Variants in RALGAPA1 observed in about 807,000 individuals in gnomAD.
RALGAPA1 encodes the protein ral GTPase-activating protein subunit alpha-1.
RALGAPA1 carries 52 observed loss-of-function variants against 269.6 expected under a neutral mutation model. The ratio of observed to expected loss-of-function variants is 0.19; its 90% CI spans 0.15 to 0.24. The LOEUF (loss-of-function observed/expected upper bound fraction) is 0.24. RALGAPA1 is among the 10% of genes least tolerant of loss of function. The probability of loss-of-function intolerance (pLI) is 1.00; values close to 1 mark genes in which losing one functional copy is unlikely to be tolerated. For missense variants in RALGAPA1, 1,917 were observed against 3,013.9 expected, an observed-to-expected ratio of 0.64 and a Z score of 8.52; for synonymous variants, 817 against 1,008.3, an observed-to-expected ratio of 0.81 and a Z score of 3.60.
At chr14:35,737,991 G>C (rs2071182423) in intron 12 of RALGAPA1, among the ~76,000 whole-genome samples, 1 of 151,576 alleles carries the variant, frequency 6.6e-6, no homozygotes, top group Non-Finnish European at 1.5e-5. Flanking sequence ...GGGAGGCTGA[G>C]GCAGGAGAAG....
intron 39 of RALGAPA1, among the ~76,000 whole-genome samples, chr14:35,557,684 C>G (rs372005510): frequency 1.3e-5 from 2 of 151,822 alleles, no homozygotes; most frequent in African/African-American, 4.8e-5. Flanking sequence ...GCACTGGTGC[C>G]CATTTACTAA....
chr14:35,599,476 G>T lies in RALGAPA1; in HGVS notation c.7054-3687C>A, dbSNP rs190599531. On this transcript the variant is annotated intron_variant, in intron 36 of 41. Transcript: ENST00000680220. ...AGATTCTGGGTCTGCTGGGCACAGT[G>T]GCTCATGCCTGTAATCCCAGCACTT... Among the ~76,000 whole-genome samples the T allele has an allele frequency of 9.2e-3, 1,404 of 152,262 alleles. 20 individuals carry two copies. Among genetic ancestry groups the T allele is most frequent in the Non-Finnish European group, 0.011 (776 of 68,002 alleles).
At chr14:35,743,108 C>T (rs1167338297) in intron 10 of RALGAPA1, among the ~76,000 whole-genome samples, 1 of 152,024 alleles carries the variant, frequency 6.6e-6, no homozygotes, top group Non-Finnish European at 1.5e-5. Context: ...CTAGAGAAAA[C>T]CCACATAGAC....
intron 37 of RALGAPA1, among the ~76,000 whole-genome samples, chr14:35,590,586 T>A (rs1284750292): frequency 6.6e-6 from 1 of 152,216 alleles, no homozygotes. Context: ...ATGTAAGATG[T>A]GCCTGATTCC....
At chr14:35,751,941 T>C (rs2072749935) in intron 8 of RALGAPA1, 83 bp downstream of exon 8, 4 of 1,507,972 alleles carry the variant, frequency 2.7e-6, no homozygotes, top group Non-Finnish European at 3.5e-6. Flanking sequence ...ATCAGTTTCC[T>C]GCAGTAACAA....
intron 32 of RALGAPA1, among the ~76,000 whole-genome samples, 158 bp from the exon 33 acceptor site, chr14:35,634,915 C>T (rs2061574648): frequency 6.6e-6 from 1 of 151,990 alleles, no homozygotes; most frequent in Non-Finnish European, 1.5e-5. Flanking sequence ...GCCTGTAATC[C>T]CAGCAGGGAT....
intron 41 of RALGAPA1, among the ~76,000 whole-genome samples, chr14:35,548,182 A>G (rs2054624162): frequency 6.6e-6 from 1 of 152,114 alleles, no homozygotes; most frequent in Admixed American, 6.6e-5. Flanking sequence ...ACAAAATACA[A>G]AGACACACTA....
At chr14:35,605,193 C>T (rs530230764) in intron 36 of RALGAPA1, among the ~76,000 whole-genome samples, 1 of 152,122 alleles carries the variant, frequency 6.6e-6, no homozygotes, top group African/African-American at 2.4e-5. Context: ...GGTTTTCTGG[C>T]ATTAGTTTTG....
At chr14:35,621,687 T>C (rs1485194668) in intron 35 of RALGAPA1, among the ~76,000 whole-genome samples, 2 of 152,076 alleles carry the variant, frequency 1.3e-5, no homozygotes, top group African/African-American at 2.4e-5. Context: ...AACAACGCCA[T>C]CAAAAAGTGG....
At chr14:35,615,334 G>A (rs188375850) in intron 35 of RALGAPA1, among the ~76,000 whole-genome samples, 2 of 152,110 alleles carry the variant, frequency 1.3e-5, no homozygotes, top group Non-Finnish European at 2.9e-5. Flanking sequence ...CAACCACAAG[G>A]AATAGGAAAC....
intron 16 of RALGAPA1, among the ~76,000 whole-genome samples, chr14:35,705,721 T>C (rs1397791869): frequency 6.6e-6 from 1 of 152,212 alleles, no homozygotes; most frequent in Non-Finnish European, 1.5e-5. Context: ...ATGTTTAGGT[T>C]TGAAAGAAAC....
chr14:35,687,872 C>G lies in RALGAPA1; in HGVS notation c.3952+587G>C, dbSNP rs150811201. Among the ~76,000 whole-genome samples the G allele has an allele frequency of 6.7e-4, 102 of 152,264 alleles. No individual in the cohort carries two copies. The East Asian group carries it at 0.012, about 18-fold the overall frequency. On this transcript the variant is annotated intron_variant, in intron 18 of 41. Transcript: ENST00000680220. ...AAGCCTACAGCATGTTTGGAAATGG[C>G]TTAAATGAAAAGTGATTAAATTCAC... is the stretch of plus-strand genomic sequence containing the variant.
intron 17 of RALGAPA1, among the ~76,000 whole-genome samples, chr14:35,691,242 T>G (rs1254870347): frequency 6.6e-6 from 1 of 152,108 alleles, no homozygotes; most frequent in Non-Finnish European, 1.5e-5. Context: ...ATCACTGCAT[T>G]ATTTTCACTG....
chr14:35,667,141 C>A (rs955119281), intron 26 of RALGAPA1, among the ~76,000 whole-genome samples: 4 of 152,120 alleles, frequency 2.6e-5, no homozygotes, highest in African/African-American at 7.2e-5. Flanking sequence ...GTGGCTCATG[C>A]CGGTAATTCC....
At chr14:35,576,366 G>A (rs1594659858) in intron 37 of RALGAPA1, among the ~76,000 whole-genome samples, 1 of 152,174 alleles carries the variant, frequency 6.6e-6, no homozygotes, top group East Asian at 1.9e-4. Context: ...TTGACTGCTA[G>A]AACTAAAGAA....
chr14:35,748,456 C>A (rs1288632901), intron 10 of RALGAPA1, 129 bp downstream of exon 10: 3 of 1,143,240 alleles, frequency 2.6e-6, no homozygotes, highest in African/African-American at 3.3e-5. Context: ...TCAAGCGATT[C>A]TCCCACCTCA....
At chr14:35,579,550 G>C (rs1191069449) in intron 37 of RALGAPA1, among the ~76,000 whole-genome samples, 4 of 148,982 alleles carry the variant, frequency 2.7e-5, no homozygotes, top group Admixed American at 2.0e-4. Flanking sequence ...GGAGGTTGCA[G>C]TGAAAAGAGA....
intron 3 of RALGAPA1, among the ~76,000 whole-genome samples, 196 bp from the exon 4 acceptor site, chr14:35,771,195 A>T (rs1260324299): frequency 1.3e-5 from 2 of 152,072 alleles, no homozygotes; most frequent in Admixed American, 6.6e-5. Flanking sequence ...GGAGTTCGAG[A>T]CCAGCCTGGC....
rs570932032 is a variant in RALGAPA1 at position 35,614,278 on chromosome 14, C to A, written c.6930-8569G>T. On this transcript the variant is annotated intron_variant, in intron 35 of 41. Coordinates refer to ENST00000680220, the MANE Select transcript of RALGAPA1 (RefSeq NM_001346249.2). The stretch of plus-strand genomic sequence containing the variant: ...AAAAACTGTACATGAATGTTCACAG[C>A]AGCATTATTCATATTCGCCCAAAAG... Among the ~76,000 whole-genome samples the A allele has an allele frequency of 1.5e-4, 23 of 152,306 alleles. 1 individual carries two copies. Among genetic ancestry groups the A allele is most frequent in the Middle Eastern group, 6.8e-3 (2 of 294 alleles).
Sources: gnomAD v4.1 joint callset for allele counts (sites outside exome capture counted in the v4.1 genomes callset) on GRCh38, gnomAD v4.1.1 for gene constraint, MANE v1.5 for transcripts, NCBI Gene and HGNC (gene_info 2026-07-23, HGNC 2026-07-21) for gene names.